The following ZDHHC17 variants were observed in gnomAD, a reference collection of about 807,000 sequenced individuals.
ZDHHC17 encodes the protein palmitoyltransferase ZDHHC17.
A neutral mutation model predicts 90.3 loss-of-function variants in ZDHHC17; 40 were observed. The ratio of observed to expected loss-of-function variants is 0.44; its 90% CI spans 0.34 to 0.58. The LOEUF is 0.58. ZDHHC17 is among the 20% of genes least tolerant of loss of function. The probability of loss-of-function intolerance (pLI) is 0.01; values close to 1 mark genes in which losing one functional copy is unlikely to be tolerated. For synonymous variants in ZDHHC17, 235 were observed against 252.4 expected (o/e 0.93, Z 0.65); for missense variants, 614 against 780.8 (o/e 0.79, Z 2.55).
chr12:76,806,498 C>T (rs1026313662), intron 3 of ZDHHC17, among the ~76,000 whole-genome samples: 7 of 151,980 alleles, frequency 4.6e-5, no homozygotes, highest in East Asian at 1.9e-4. Context: ...TATAGGCCTG[C>T]GCCTATATAA....
At chr12:76,793,695 G>A (rs561772309) in intron 1 of ZDHHC17, among the ~76,000 whole-genome samples, 21 of 152,208 alleles carry the variant, frequency 1.4e-4, no homozygotes, top group African/African-American at 4.8e-4. Flanking sequence ...GGGGAGTGGC[G>A]GACTTTTATT....
chr12:76,778,012 TA>T (rs1952578312), intron 1 of ZDHHC17, among the ~76,000 whole-genome samples: 1 of 152,126 alleles, frequency 6.6e-6, no homozygotes, highest in South Asian at 2.1e-4. Context: ...ACATGGGCAT[TA>T]CCCTGTAGGC....
intron 12 of ZDHHC17, chr12:76,844,179 A>G: frequency 6.6e-6 from 1 of 152,212 alleles, no homozygotes; most frequent in East Asian, 1.9e-4. Context: ...CAATACAGAT[A>G]GCAGTTTCAT....
Position 76,809,844 on chromosome 12 carries a change from T to C in ZDHHC17, c.530T>C (p.Ile177Thr), listed in dbSNP as rs1952998555. The part of the protein sequence containing the change: ...FGHTSIVAYL[I>T]AKGQDVDMMD... ...CATACCTCAATTGTTGCTTATCTCATAGCAAAAGGACAGGTAAAAAAAATC... is the reference window on the plus strand; with the variant it reads ...CATACCTCAATTGTTGCTTATCTCACAGCAAAAGGACAGGTAAAAAAAATC... The change falls in exon 5 of 17, where the codon ATA (isoleucine) becomes ACA (threonine). Residue 177 changes from isoleucine (I) to threonine (T), a missense_variant. Ile to Thr is a moderately conservative substitution (Grantham distance 89). Around this residue, in one of 5 missense-constraint regions of ZDHHC17, gnomAD observed 358 missense variants for 380.4 expected, o/e 0.94. Coordinates refer to ENST00000426126, the MANE Select transcript of ZDHHC17 (RefSeq NM_015336.4). 1 of 1,610,964 alleles carries C rather than the reference T, an allele frequency of 6.2e-7. No homozygotes were observed. The highest frequency in any genetic ancestry group is 1.3e-5 in the African/African-American group (1 of 74,938).
At chr12:76,783,229 A>G (rs1952647507) in intron 1 of ZDHHC17, among the ~76,000 whole-genome samples, 1 of 152,210 alleles carries the variant, frequency 6.6e-6, no homozygotes, top group South Asian at 2.1e-4. Context: ...AGTCATGTGT[A>G]TTAGTCTGTT....
intron 1 of ZDHHC17, chr12:76,769,232 G>T (rs566457984): frequency 5.1e-6 from 1 of 195,816 alleles, no homozygotes; most frequent in South Asian, 6.4e-5. Flanking sequence ...CTAATTTTTT[G>T]TATTTCTAGT....
rs74104830 is a variant in ZDHHC17 at position 76,768,290 on chromosome 12, G to A, written c.93+3961G>A. ...GTACTAGTTCTAGCTCAGTGACCTT[G>A]AGCTAGTAGGTATTTAACTGGTCTC... On this transcript the variant is annotated intron_variant, in intron 1 of 16. Coordinates refer to ENST00000426126, the MANE Select transcript of ZDHHC17 (RefSeq NM_015336.4). Among the ~76,000 whole-genome samples, 1,314 of 152,298 alleles carry A rather than the reference G, an allele frequency of 8.6e-3. 27 individuals carry two copies. The highest frequency in any genetic ancestry group is 0.031 in the African/African-American group (1,275 of 41,556).
chr12:76,851,035 G>A lies in ZDHHC17; in HGVS notation c.*50G>A, dbSNP rs1455599793. 2 of 1,608,510 alleles carry A rather than the reference G, an allele frequency of 1.2e-6. No homozygotes were observed. The highest frequency in any genetic ancestry group is 4.5e-5 in the East Asian group (2 of 44,764). ...TTGCTGAGTGGTGCCTGAAAATTGT[G>A]TCTGTCCGTGTCTTTCTCACACTCG... On this transcript the variant is annotated 3_prime_UTR_variant, in exon 17 of 17. Transcript: ENST00000426126.
intron 2 of ZDHHC17, among the ~76,000 whole-genome samples, chr12:76,801,697 T>G (rs1952893463): frequency 6.6e-6 from 1 of 152,174 alleles, no homozygotes; most frequent in Non-Finnish European, 1.5e-5. Flanking sequence ...CTAATTTGAA[T>G]TTATGTTACT....
chr12:76,810,510 T>C (rs963849147), intron 5 of ZDHHC17, among the ~76,000 whole-genome samples: 2 of 152,244 alleles, frequency 1.3e-5, no homozygotes, highest in African/African-American at 2.4e-5. Flanking sequence ...CTTTAAGATA[T>C]ATGTATTTAA....
chr12:76,820,736 A>G (rs1216581775), intron 7 of ZDHHC17, among the ~76,000 whole-genome samples: 3 of 152,182 alleles, frequency 2.0e-5, no homozygotes, highest in Non-Finnish European at 2.9e-5. Context: ...ACGTAGGTGA[A>G]ATGTTGAGTG....
intron 1 of ZDHHC17, among the ~76,000 whole-genome samples, chr12:76,784,957 T>G (rs1952668502): frequency 6.6e-6 from 1 of 152,224 alleles, no homozygotes; most frequent in Admixed American, 6.5e-5. Flanking sequence ...CAACATCTGC[T>G]TATTATGAGA....
chr12:76,812,329 A>G (rs1302828433), intron 5 of ZDHHC17, among the ~76,000 whole-genome samples: 2 of 151,580 alleles, frequency 1.3e-5, no homozygotes, highest in African/African-American at 2.4e-5. Flanking sequence ...TTTTTTTGCT[A>G]CTTTTTCAGC....
chr12:76,795,572 A>G (rs1200732027), intron 1 of ZDHHC17, among the ~76,000 whole-genome samples: 1 of 152,100 alleles, frequency 6.6e-6, no homozygotes, highest in African/African-American at 2.4e-5. Context: ...CAGAAAAGAA[A>G]ATTTAGAAAT....
chr12:76,825,950 G>A (rs1316173354), intron 8 of ZDHHC17, among the ~76,000 whole-genome samples: 1 of 152,034 alleles, frequency 6.6e-6, no homozygotes, highest in Non-Finnish European at 1.5e-5. Context: ...GAGTAGCTGG[G>A]ATACAGTACA....
intron 13 of ZDHHC17, 139 bp downstream of exon 13, chr12:76,845,941 C>G: frequency 2.1e-6 from 1 of 468,750 alleles, no homozygotes. Context: ...GTTGACAACA[C>G]AGCAACTCAG....
Position 76,797,526 on chromosome 12 carries a change from C to T in ZDHHC17, c.186C>T (p.Val62=). Residue 62 remains valine, a synonymous_variant, in exon 2 of 17, where the codon GTC becomes GTT. Transcript: ENST00000426126. ...HIDDYSTWDI[V]KATQYGIYER... Reference sequence around the variant, plus strand: ...ATGATTACAGCACATGGGACATAGTCAAGGCTACACAGTAAGGTTTTTGTT... The same window carrying T: ...ATGATTACAGCACATGGGACATAGTTAAGGCTACACAGTAAGGTTTTTGTT... 6.3e-7 allele frequency: 1 copy of T among 1,596,890 alleles called. No individual in the cohort carries two copies. The highest frequency in any genetic ancestry group is 8.5e-7 in the Non-Finnish European group (1 of 1,172,366).
chr12:76,791,900 A>G (rs1055973608), intron 1 of ZDHHC17, among the ~76,000 whole-genome samples: 1 of 152,204 alleles, frequency 6.6e-6, no homozygotes, highest in Non-Finnish European at 1.5e-5. Flanking sequence ...GATACAACTC[A>G]GGAACAGCCA....
chr12:76,803,715 A>C (rs1219324481), intron 2 of ZDHHC17, among the ~76,000 whole-genome samples: 4 of 152,192 alleles, frequency 2.6e-5, no homozygotes, highest in African/African-American at 9.7e-5. Flanking sequence ...ATCCCGTTAT[A>C]TATATGTTGA....
Sources: allele counts gnomAD v4.1 joint callset (sites outside exome capture counted in the v4.1 genomes callset), GRCh38; gene constraint gnomAD v4.1.1; regional missense constraint gnomAD v4.1.1; transcripts MANE v1.5; gene names NCBI Gene and HGNC (gene_info 2026-07-23, HGNC 2026-07-21).